The following RAP1GAP2 variants were observed in gnomAD, a reference collection of about 807,000 sequenced individuals.
The protein encoded by RAP1GAP2 is RAP1 GTPase activating protein 2.
RAP1GAP2 carries 27 observed loss-of-function variants against 95.0 expected under a neutral mutation model. The observed-to-expected ratio is 0.28, with a 90% CI of 0.21 to 0.39. RAP1GAP2 has a LOEUF of 0.39. Ranked by LOEUF, RAP1GAP2 falls within the 10% of genes least tolerant of loss-of-function variation. RAP1GAP2 has a pLI of 1.00. For missense variants in RAP1GAP2, 771 were observed against 970.0 expected (o/e 0.79, Z 2.72); for synonymous variants, 373 against 380.9 (o/e 0.98, Z 0.24).
intron 2 of RAP1GAP2, among the ~76,000 whole-genome samples, chr17:2,897,135 G>C (rs879333489): frequency 2.0e-5 from 3 of 152,124 alleles, no homozygotes; most frequent in Non-Finnish European, 4.4e-5. Flanking sequence ...TCAGGAGTTC[G>C]AGACCAGCCT....
At chr17:3,014,762 G>T (rs1008782426) in intron 17 of RAP1GAP2, among the ~76,000 whole-genome samples, 4 of 152,078 alleles carry the variant, frequency 2.6e-5, no homozygotes, top group African/African-American at 9.7e-5. Flanking sequence ...TCACCATGTT[G>T]GCCAGGTTGG....
chr17:2,814,825 T>C (rs1206244957), intron 2 of RAP1GAP2, among the ~76,000 whole-genome samples: 1 of 152,142 alleles, frequency 6.6e-6, no homozygotes, highest in African/African-American at 2.4e-5. Context: ...TAACTGACTT[T>C]TGTAGCCCTG....
In RAP1GAP2 at chr17:3,037,523, A is replaced by G. The variant is rs1025384585; in HGVS notation, c.*4162A>G. The stretch of plus-strand genomic sequence containing the variant: ...AACTGTGGCTTGGAAGTGATGCTCC[A>G]TGTGACGACGACTTTGCTTTCTTTC... On this transcript the variant is annotated 3_prime_UTR_variant, in exon 25 of 25. Coordinates refer to ENST00000254695, the MANE Select transcript of RAP1GAP2 (RefSeq NM_015085.5). 1 of 152,266 alleles carries G rather than the reference A, an allele frequency of 6.6e-6. No individual in the cohort carries two copies. The highest frequency in any genetic ancestry group is 1.5e-5 in the Non-Finnish European group (1 of 67,960). 9.4% of individuals were successfully genotyped at this position (152,266 alleles called of 1,614,324 possible).
rs2046420669 is a variant in RAP1GAP2, at chr17:3,008,924, T to C, written c.1494+779T>C. Among the ~76,000 whole-genome samples, 1 of 152,158 alleles carries C rather than the reference T, an allele frequency of 6.6e-6. No individual in the cohort carries two copies. Among genetic ancestry groups the C allele is most frequent in the African/African-American group, 2.4e-5 (1 of 41,432 alleles). Reference sequence around the variant, plus strand: ...AGGATGAGAGACGCCACAGGCCTGCTCAGGTCCTTACACCGAGGCAGAGTT... The same window carrying C: ...AGGATGAGAGACGCCACAGGCCTGCCCAGGTCCTTACACCGAGGCAGAGTT... On this transcript the variant is annotated intron_variant, in intron 17 of 24. Coordinates refer to ENST00000254695, the MANE Select transcript of RAP1GAP2 (RefSeq NM_015085.5). The surrounding 1 kb of genome is among the most constrained non-coding windows in gnomAD (Gnocchi z 4.2).
At chr17:2,823,152 A>T (rs975825519) in intron 2 of RAP1GAP2, among the ~76,000 whole-genome samples, 3 of 151,322 alleles carry the variant, frequency 2.0e-5, no homozygotes, top group African/African-American at 7.3e-5. Context: ...GCTTCCGGAT[A>T]CCTCATCCCT....
At chr17:2,831,163 T>C (rs936956010) in intron 2 of RAP1GAP2, among the ~76,000 whole-genome samples, 18 of 136,226 alleles carry the variant, frequency 1.3e-4, no homozygotes, top group Admixed American at 3.0e-4. Flanking sequence ...CTGCAACCTC[T>C]GCCTCCCGGG....
At chr17:2,852,423 C>T (rs897052918) in intron 2 of RAP1GAP2, among the ~76,000 whole-genome samples, 24 of 152,136 alleles carry the variant, frequency 1.6e-4, no homozygotes, top group Non-Finnish European at 3.2e-4. Flanking sequence ...CCTGGGGCTT[C>T]CTCCCCTCCA....
chr17:3,010,876 A>G (rs1008880114), intron 17 of RAP1GAP2, among the ~76,000 whole-genome samples: 1 of 152,128 alleles, frequency 6.6e-6, no homozygotes, highest in African/African-American at 2.4e-5. Flanking sequence ...AGTCACACAG[A>G]GTAAGCTTCA....
At chr17:2,998,579 A>T (rs576106182) in intron 14 of RAP1GAP2, among the ~76,000 whole-genome samples, 2 of 152,348 alleles carry the variant, frequency 1.3e-5, no homozygotes, top group East Asian at 3.9e-4. Context: ...GCTCAATGGC[A>T]TCTCACTTGA....
intron 1 of RAP1GAP2, among the ~76,000 whole-genome samples, chr17:2,786,625 CT>C (rs928371483): frequency 6.8e-5 from 10 of 147,130 alleles, no homozygotes; most frequent in Non-Finnish European, 1.2e-4. Context: ...CCTTTCTTTT[CT>C]TTTTTTTTCT....
At chr17:3,012,145 C>T (rs138325738) in intron 17 of RAP1GAP2, among the ~76,000 whole-genome samples, 1,566 of 152,292 alleles carry the variant, frequency 0.01, 12 homozygotes, top group Admixed American at 0.021. Context: ...CTTCTGTCCT[C>T]CCAGCTGTAA....
At chr17:2,991,483 T>G in intron 12 of RAP1GAP2, 86 bp downstream of exon 12, 1 of 1,039,292 alleles carries the variant, frequency 9.6e-7, no homozygotes, top group Non-Finnish European at 1.4e-6. Flanking sequence ...AGGGAGCACG[T>G]GTGAGTTAAA....
At chr17:2,794,684 C>T (rs188115224), upstream of RAP1GAP2, among the ~76,000 whole-genome samples, 6 of 152,274 alleles carry the variant, frequency 3.9e-5, no homozygotes, top group African/African-American at 1.2e-4. Context: ...CCTGTGCTGT[C>T]CCCTGCTGTG....
chr17:2,822,617 GTTTTTTTTTGTTTT>G (rs1449253033), intron 2 of RAP1GAP2, among the ~76,000 whole-genome samples: 4 of 117,744 alleles, frequency 3.4e-5, no homozygotes, highest in Non-Finnish European at 6.8e-5. Flanking sequence ...ATAAAACCCT[GTTTTTTTTTGTTTT>G]TTTTTTTTTT....
chr17:2,778,517 C>A (rs1478299702), intron 1 of RAP1GAP2, among the ~76,000 whole-genome samples: 1 of 152,072 alleles, frequency 6.6e-6, no homozygotes, highest in Non-Finnish European at 1.5e-5. Context: ...TGCAGCTCTC[C>A]TCACCCTCTT....
At chr17:2,773,882 C>T (rs531974460), upstream of RAP1GAP2, among the ~76,000 whole-genome samples, 10 of 152,000 alleles carry the variant, frequency 6.6e-5, no homozygotes, top group East Asian at 1.4e-3. Context: ...CTCAGCCTCC[C>T]GAGTAGCTGG....
chr17:3,017,820 C>G (rs553992733), intron 17 of RAP1GAP2, among the ~76,000 whole-genome samples: 5 of 152,078 alleles, frequency 3.3e-5, no homozygotes, highest in African/African-American at 1.2e-4. Flanking sequence ...TCCCTCCAGC[C>G]GGGGCTGTGC....
At chr17:2,917,269 C>CT (rs879460450) in intron 3 of RAP1GAP2, among the ~76,000 whole-genome samples, 217 of 147,476 alleles carry the variant, frequency 1.5e-3, no homozygotes, top group South Asian at 8.6e-4. Context: ...ACTTCTTCTT[C>CT]TTTTTTTTTT....
intron 2 of RAP1GAP2, among the ~76,000 whole-genome samples, chr17:2,816,447 C>G (rs984641245): frequency 1.3e-5 from 2 of 152,018 alleles, no homozygotes; most frequent in Admixed American, 6.6e-5. Flanking sequence ...AAGCGATTCT[C>G]CTGCCTCAGC....
Sources: gnomAD v4.1 joint callset for allele counts (sites outside exome capture counted in the v4.1 genomes callset) on GRCh38, gnomAD v4.1.1 for gene constraint, Gnocchi (gnomAD v3.1) non-coding constraint, MANE v1.5 for transcripts, NCBI Gene and HGNC (gene_info 2026-07-23, HGNC 2026-07-21) for gene names.